The following MAML1 variants were observed in gnomAD, a reference collection of about 807,000 sequenced individuals.
MAML1 encodes mastermind like transcriptional coactivator 1, also known as mastermind-like protein 1.
Under a neutral mutation model 77.1 loss-of-function variants are expected in MAML1, and 14 were observed. The observed-to-expected ratio is 0.18, with a 90% CI of 0.12 to 0.28. MAML1 has a LOEUF of 0.28. Among genes scored for constraint, MAML1 ranks in the 10% least tolerant of loss-of-function variants. MAML1 has a pLI of 1.00. For synonymous variants in MAML1, 516 were observed against 551.9 expected (o/e 0.93, Z 0.91); for missense variants, 1,217 against 1,327.8 (o/e 0.92, Z 1.30).
At chr5:179,740,920 C>T (rs1372340099) in intron 1 of MAML1, among the ~76,000 whole-genome samples, 1 of 152,012 alleles carries the variant, frequency 6.6e-6, no homozygotes, top group East Asian at 1.9e-4. Flanking sequence ...CTTTTTTTCC[C>T]CTGGGTGATG....
chr5:179,776,148 G>C lies in MAML1; in HGVS notation c.*1271G>C. The C allele has an allele frequency of 2.0e-6, 2 of 985,918 alleles. No homozygotes were observed. Among genetic ancestry groups the C allele is most frequent in the Non-Finnish European group, 2.4e-6 (2 of 829,946 alleles). 61.1% of individuals were successfully genotyped at this position (985,918 alleles called of 1,614,324 possible). A position where few individuals can be genotyped will look rare whatever the true frequency, so the allele number is the denominator to read the frequency against. ...GATGGAGAGAGCACTTCCCCGTAAC[G>C]AAAGCAAAGTGGTAAGCACAGGGTG... On this transcript the variant is annotated 3_prime_UTR_variant, in exon 5 of 5. Coordinates refer to ENST00000292599, the MANE Select transcript of MAML1 (RefSeq NM_014757.5).
intron 1 of MAML1, among the ~76,000 whole-genome samples, chr5:179,752,341 AAAAAAAAAAATATAT>A (rs1486806720): frequency 2.8e-5 from 3 of 106,640 alleles, no homozygotes; most frequent in African/African-American, 1.1e-4. Flanking sequence ...AAAAAAAAAA[AAAAAAAAAAATATAT>A]ATATATATAT....
intron 1 of MAML1, among the ~76,000 whole-genome samples, chr5:179,764,995 A>ATG (rs34922506): frequency 0.077 from 11,407 of 147,584 alleles, 475 homozygotes; most frequent in South Asian, 0.11. Flanking sequence ...TAATATATAT[A>ATG]TGTGTGTGTG....
chr5:179,757,070 G>A (rs560696590), intron 1 of MAML1, among the ~76,000 whole-genome samples: 44 of 151,932 alleles, frequency 2.9e-4, no homozygotes, highest in African/African-American at 8.7e-4. Context: ...CCACCCACCC[G>A]CAGCCTCCCA....
At chr5:179,739,605 G>A (rs567821135) in intron 1 of MAML1, among the ~76,000 whole-genome samples, 6 of 152,310 alleles carry the variant, frequency 3.9e-5, no homozygotes, top group East Asian at 3.9e-4. Context: ...GATTGCGTGG[G>A]ACCGGGAGGT....
intron 2 of MAML1, among the ~76,000 whole-genome samples, chr5:179,767,860 T>C (rs1489360925): frequency 6.6e-6 from 1 of 152,262 alleles, no homozygotes; most frequent in African/African-American, 2.4e-5. Context: ...TAATGATTGC[T>C]TTTTGCCTAT....
At position 179,777,210 on chromosome 5, in the gene MAML1, G is replaced by A. The variant is rs1432986605; in HGVS notation, c.*2333G>A. 47 of 970,862 alleles carry A rather than the reference G, an allele frequency of 4.8e-5. No individual in the cohort carries two copies. Among genetic ancestry groups the A allele is most frequent in the Non-Finnish European group, 5.6e-5 (46 of 816,752 alleles). 60.1% of individuals were successfully genotyped at this position (970,862 alleles called of 1,614,324 possible). A position where few individuals can be genotyped will look rare whatever the true frequency, so the allele number is the denominator to read the frequency against. On this transcript the variant is annotated 3_prime_UTR_variant, in exon 5 of 5. Transcript: ENST00000292599. ...TATTCTTCTACTGCCCTTAACTCTG[G>A]TATACACCAAAAAGAAATCTTTACT... is the stretch of plus-strand genomic sequence containing the variant.
intron 1 of MAML1, among the ~76,000 whole-genome samples, chr5:179,736,049 G>A (rs2113329022): frequency 6.6e-6 from 1 of 152,288 alleles, no homozygotes; most frequent in East Asian, 1.9e-4. Context: ...CAACTAGACT[G>A]TCAGCTCTTG....
Position 179,766,833 on chromosome 5 carries a change from T to G in MAML1, c.1731+92T>G. The G allele has an allele frequency of 9.1e-7, 1 of 1,095,688 alleles. No homozygotes were observed. Among genetic ancestry groups the G allele is most frequent in the Non-Finnish European group, 1.3e-6 (1 of 788,654 alleles). 67.9% of individuals were successfully genotyped at this position (1,095,688 alleles called of 1,614,324 possible). On this transcript the variant is annotated intron_variant, in intron 2 of 4. Coordinates refer to ENST00000292599, the MANE Select transcript of MAML1 (RefSeq NM_014757.5). This position sits in a 1 kb window ranked among gnomAD's most constrained non-coding sequence, Gnocchi z 4.0. ...GGATGTTAATTGGATCCGAGGTAGT[T>G]GTGGGAAGAGGGAGGAGGGAATAGC...
chr5:179,757,423 C>A (rs888162309), intron 1 of MAML1, among the ~76,000 whole-genome samples: 11 of 152,026 alleles, frequency 7.2e-5, no homozygotes, highest in Admixed American at 6.6e-4. Context: ...CAAAAATTAG[C>A]CAGGCATGGT....
At chr5:179,753,658 T>TC (rs1487643769) in intron 1 of MAML1, among the ~76,000 whole-genome samples, 1 of 129,542 alleles carries the variant, frequency 7.7e-6, no homozygotes, top group African/African-American at 2.8e-5. Flanking sequence ...ATTATTATTT[T>TC]TTTTTTTTTT....
chr5:179,770,724 G>A (rs1562576129), intron 3 of MAML1, among the ~76,000 whole-genome samples: 1 of 152,144 alleles, frequency 6.6e-6, no homozygotes, highest in Non-Finnish European at 1.5e-5. Flanking sequence ...GGATCACATG[G>A]TAATTTTTAT....
At chr5:179,739,411 T>A (rs1779236397) in intron 1 of MAML1, among the ~76,000 whole-genome samples, 1 of 151,790 alleles carries the variant, frequency 6.6e-6, no homozygotes, top group Admixed American at 6.6e-5. Context: ...AAAATAAAAA[T>A]AAAAATATAG....
In MAML1 at chr5:179,769,158, C is replaced by G. The variant is rs1755908626; in HGVS notation, c.1971+69C>G. On this transcript the variant is annotated intron_variant, in intron 3 of 4. Coordinates refer to ENST00000292599, the MANE Select transcript of MAML1 (RefSeq NM_014757.5). This position sits in a 1 kb window ranked among gnomAD's most constrained non-coding sequence, Gnocchi z 4.2. ...CTGCACCCTGCGTCACTGCTACAGT[C>G]ACACCTTCTGCTTGTGCGTGTGGAT... 6.3e-7 allele frequency: 1 copy of G among 1,587,442 alleles called. No individual in the cohort carries two copies. Among genetic ancestry groups the G allele is most frequent in the East Asian group, 2.2e-5 (1 of 44,638 alleles).
At position 179,774,409 on chromosome 5, in the gene MAML1, T is replaced by G; in HGVS notation, c.2583T>G (p.Thr861=). ...TPGNSNVSPF[T]AASSFHMQQQ... ...GGAACAGCAACGTGAGTCCCTTCAC[T>G]GCAGCCTCCAGTTTCCACATGCAGC... The change falls in exon 5 of 5, where the codon ACT becomes ACG. Residue 861 remains threonine (T), a synonymous_variant. Transcript: ENST00000292599. The G allele has an allele frequency of 1.2e-6, 2 of 1,613,224 alleles. No individual in the cohort carries two copies. The highest frequency in any genetic ancestry group is 4.5e-5 in the East Asian group (2 of 44,890).
intron 1 of MAML1, among the ~76,000 whole-genome samples, chr5:179,752,150 A>T (rs919355584): frequency 6.6e-6 from 1 of 151,264 alleles, no homozygotes; most frequent in Non-Finnish European, 1.5e-5. Context: ...ACATAGCGAA[A>T]CCCCCTCTCT....
At chr5:179,754,166 C>CA (rs1286893689) in intron 1 of MAML1, among the ~76,000 whole-genome samples, 1 of 152,114 alleles carries the variant, frequency 6.6e-6, no homozygotes, top group Non-Finnish European at 1.5e-5. Context: ...TCTGTAGTCT[C>CA]AGATACTCAA....
intron 1 of MAML1, among the ~76,000 whole-genome samples, chr5:179,743,046 CTTTTTT>C (rs71001043): frequency 1.4e-5 from 1 of 69,816 alleles, no homozygotes; most frequent in Non-Finnish European, 3.0e-5. Flanking sequence ...CCCCTTCACA[CTTTTTT>C]TTTTTTTTTT....
chr5:179,752,257 T>C (rs111957588), intron 1 of MAML1, among the ~76,000 whole-genome samples: 40,757 of 137,996 alleles, frequency 0.3, 6,097 homozygotes, highest in Non-Finnish European at 0.34. Context: ...ACGCGGGAGG[T>C]GGAGGTTGCA....
Sources: allele counts gnomAD v4.1 joint callset (sites outside exome capture counted in the v4.1 genomes callset), GRCh38; gene constraint gnomAD v4.1.1; non-coding constraint Gnocchi (gnomAD v3.1); transcripts MANE v1.5; gene names NCBI Gene and HGNC (gene_info 2026-07-23, HGNC 2026-07-21).